LAMA2: variants seen among roughly 807,000 people sequenced by gnomAD.
The protein encoded by LAMA2 is laminin subunit alpha-2.
A neutral mutation model predicts 364.8 loss-of-function variants in LAMA2; 269 were observed. The ratio of observed to expected loss-of-function variants is 0.74; its 90% confidence interval spans 0.67 to 0.82. The LOEUF is 0.82. Among genes scored for constraint, LAMA2 ranks in the 40% least tolerant of loss-of-function variants. LAMA2 has a pLI of 0.00. For synonymous variants in LAMA2, 1,379 were observed against 1,370.6 expected (o/e 1.01, Z -0.14); for missense variants, 3,807 against 3,873.2 (o/e 0.98, Z 0.45).
intron 4 of LAMA2, among the ~76,000 whole-genome samples, chr6:129,107,292 C>A (rs538787936): frequency 6.6e-6 from 1 of 152,098 alleles, no homozygotes; most frequent in Non-Finnish European, 1.5e-5. Context: ...TCTCTTTAAC[C>A]TCTACGATAT....
chr6:128,977,971 T>C (rs1347886868), intron 1 of LAMA2, among the ~76,000 whole-genome samples: 5 of 152,234 alleles, frequency 3.3e-5, no homozygotes. Flanking sequence ...TTCAGCACTA[T>C]GAGTTGTCCT....
chr6:129,394,081 A>G (rs1440571292), intron 37 of LAMA2, among the ~76,000 whole-genome samples: 3 of 152,156 alleles, frequency 2.0e-5, no homozygotes, highest in African/African-American at 4.8e-5. Context: ...CTTAATCTTA[A>G]CATAGTAAAT....
rs551684739 is a variant in LAMA2 at position 129,043,354 on chromosome 6, G to A, written c.113-6564G>A. 3.3e-5 allele frequency among the ~76,000 whole-genome samples: 5 copies of A among 151,904 alleles called. No individual in the cohort carries two copies. In the South Asian group the frequency reaches 1.0e-3, roughly 32 times the overall value. Reference sequence around the variant, plus strand: ...ATATGCATTTAAAAGAATTTAACAGGGAAAAAGTCTATTGACATCAAATGT... The same window carrying A: ...ATATGCATTTAAAAGAATTTAACAGAGAAAAAGTCTATTGACATCAAATGT... On this transcript the variant is annotated intron_variant, in intron 1 of 64. Transcript: ENST00000421865.
At chr6:129,202,115 G>A (rs1428270307) in intron 12 of LAMA2, among the ~76,000 whole-genome samples, 1 of 147,184 alleles carries the variant, frequency 6.8e-6, no homozygotes, top group Non-Finnish European at 1.5e-5. Context: ...TTGAACCTGG[G>A]AGGCGATGGT....
At chr6:129,123,727 G>A (rs947158438) in intron 4 of LAMA2, among the ~76,000 whole-genome samples, 1 of 152,112 alleles carries the variant, frequency 6.6e-6, no homozygotes, top group African/African-American at 2.4e-5. Flanking sequence ...ACCAGGGTCT[G>A]GGTTGGAGGG....
intron 1 of LAMA2, chr6:128,929,647 T>C: frequency 1.4e-6 from 2 of 1,422,008 alleles, no homozygotes; most frequent in Admixed American, 1.7e-5. Context: ...GGAATAGTGA[T>C]GCGGTCTCGG....
At chr6:129,174,556 T>G (rs147596133) in intron 9 of LAMA2, among the ~76,000 whole-genome samples, 1 of 152,030 alleles carries the variant, frequency 6.6e-6, no homozygotes, top group African/African-American at 2.4e-5. Context: ...CTTAGTTTAT[T>G]CTTTCAGAAG....
intron 1 of LAMA2, among the ~76,000 whole-genome samples, chr6:129,017,861 AT>A (rs147253475): frequency 5.0e-4 from 75 of 150,438 alleles, no homozygotes; most frequent in African/African-American, 1.3e-3. Context: ...TACCCAAAGG[AT>A]TTTTTTTTTA....
chr6:128,901,333 A>G (rs1777069224), intron 1 of LAMA2, among the ~76,000 whole-genome samples: 2 of 152,244 alleles, frequency 1.3e-5, no homozygotes, highest in South Asian at 2.1e-4. Context: ...ATTGGAATGA[A>G]TAATTAATAT....
intron 58 of LAMA2, among the ~76,000 whole-genome samples, chr6:129,495,668 C>T (rs1226255116): frequency 6.6e-6 from 1 of 152,148 alleles, no homozygotes; most frequent in Non-Finnish European, 1.5e-5. Flanking sequence ...ACCCTGCCAG[C>T]CTCCATGGAT....
intron 9 of LAMA2, among the ~76,000 whole-genome samples, chr6:129,174,820 G>A (rs909950287): frequency 1.3e-5 from 2 of 151,802 alleles, no homozygotes; most frequent in Non-Finnish European, 2.9e-5. Flanking sequence ...TCTGTCTTTC[G>A]ATCTATCTAC....
At chr6:129,493,919 C>T (rs1785015080) in intron 58 of LAMA2, among the ~76,000 whole-genome samples, 1 of 152,148 alleles carries the variant, frequency 6.6e-6, no homozygotes, top group South Asian at 2.1e-4. Flanking sequence ...GAGAGTGTTT[C>T]CAGTTTTTCA....
In LAMA2 at chr6:128,944,889, G is replaced by A. The variant is rs938902290; in HGVS notation, c.112+61532G>A. ...TGAGGACAGTTCCAAGGGGGATGGT[G>A]CTAAACCACTTATGAGAAATCAGCC... is the stretch of plus-strand genomic sequence containing the variant. On this transcript the variant is annotated intron_variant, in intron 1 of 64. Coordinates refer to ENST00000421865, the MANE Select transcript of LAMA2 (RefSeq NM_000426.4). Among the ~76,000 whole-genome samples, 4 of 152,102 alleles carry A rather than the reference G, an allele frequency of 2.6e-5. No individual in the cohort carries two copies. In the East Asian group the frequency reaches 7.7e-4, roughly 29 times the overall value.
At chr6:129,246,075 A>G (rs1785731598) in intron 12 of LAMA2, among the ~76,000 whole-genome samples, 1 of 151,664 alleles carries the variant, frequency 6.6e-6, no homozygotes, top group Non-Finnish European at 1.5e-5. Context: ...GTTTAAAAAG[A>G]AAATGGACAG....
At position 129,401,268 on chromosome 6, in the gene LAMA2, C is replaced by T; in HGVS notation, c.5490C>T (p.Asn1830=). The change falls in exon 38 of 65, where the codon AAC becomes AAT. Residue 1830 remains asparagine, a synonymous_variant. Transcript: ENST00000421865. ...AVESGKRQIE[N]TLKEGNDILD... is the part of the protein sequence containing the mutation. ...AAAGCGGCAAACGACAAATTGAGAA[C>T]ACTTTAAAAGAGGGCAATGACATAC... The T allele has an allele frequency of 6.2e-7, 1 of 1,612,676 alleles. No individual in the cohort carries two copies. The highest frequency in any genetic ancestry group is 8.5e-7 in the Non-Finnish European group (1 of 1,178,776).
intron 51 of LAMA2, among the ~76,000 whole-genome samples, chr6:129,472,479 G>C (rs1387453706): frequency 6.6e-6 from 1 of 151,956 alleles, no homozygotes; most frequent in African/African-American, 2.4e-5. Context: ...AATGAGATAA[G>C]GAGTTCCTGT....
At chr6:129,180,547 A>C (rs2115019934) in intron 10 of LAMA2, among the ~76,000 whole-genome samples, 1 of 152,144 alleles carries the variant, frequency 6.6e-6, no homozygotes, top group South Asian at 2.1e-4. Context: ...TCTTGGGCCT[A>C]ATTGTTTTTT....
chr6:129,218,283 C>G (rs1374012291), intron 12 of LAMA2, among the ~76,000 whole-genome samples: 4 of 152,080 alleles, frequency 2.6e-5, no homozygotes, highest in African/African-American at 9.7e-5. Context: ...GGAAGGAACG[C>G]ATTTTACTCA....
chr6:129,307,367 A>C lies in LAMA2; in HGVS notation c.3175-5494A>C, dbSNP rs144069619. Among the ~76,000 whole-genome samples the C allele has an allele frequency of 1.9e-4, 29 of 152,324 alleles. No homozygotes were observed. The Middle Eastern group carries it at 0.01, about 54-fold the overall frequency. On this transcript the variant is annotated intron_variant, in intron 22 of 64. Coordinates refer to ENST00000421865, the MANE Select transcript of LAMA2 (RefSeq NM_000426.4). Reference sequence around the variant, plus strand: ...TGCATGCACCTATCAGCATTCAGTCAATGACTCAAGAGAACGCTTCTGCAC... The same window carrying C: ...TGCATGCACCTATCAGCATTCAGTCCATGACTCAAGAGAACGCTTCTGCAC...
Sources: gnomAD v4.1 joint callset for allele counts (sites outside exome capture counted in the v4.1 genomes callset) on GRCh38, gnomAD v4.1.1 for gene constraint, MANE v1.5 for transcripts, NCBI Gene and HGNC (gene_info 2026-07-23, HGNC 2026-07-21) for gene names.